Variants in EPS15 observed in about 807,000 individuals in gnomAD.
The protein encoded by EPS15 is epidermal growth factor receptor substrate 15.
Under a neutral mutation model 113.8 loss-of-function variants are expected in EPS15, and 72 were observed. The ratio of observed to expected loss-of-function variants is 0.63; its 90% confidence interval spans 0.52 to 0.77. EPS15 has a LOEUF of 0.77. Among genes scored for constraint, EPS15 ranks in the 30% least tolerant of loss-of-function variants. The pLI is 0.00. For missense variants in EPS15, 1,048 were observed against 1,045.8 expected, an observed-to-expected ratio of 1.00 and a Z score of -0.03; for synonymous variants, 344 against 363.4, an observed-to-expected ratio of 0.95 and a Z score of 0.61.
intron 7 of EPS15, 42 bp from the exon 8 acceptor site, chr1:51,461,192 G>C (rs757691264): frequency 7.3e-7 from 1 of 1,376,062 alleles, no homozygotes; most frequent in Non-Finnish European, 1.0e-6. Context: ...TGTTCTTTCA[G>C]TTCATGTTCT....
In EPS15 at chr1:51,448,057, T is replaced by C; in HGVS notation, c.640A>G (p.Lys214Glu). ...CCTGATATACTGACCGTTTTTCTCT[T>C]AGATGGTGGCACCAAGGCTGGAGGC... is the stretch of plus-strand genomic sequence containing the variant. ...SLPPALVPPSKRKTWVVSPAE... is the reference protein window; with the variant it reads ...SLPPALVPPSERKTWVVSPAE... The change falls in exon 9 of 25, where the codon AAG becomes GAG. Residue 214 changes from lysine (K) to glutamate (E), a missense_variant. Coordinates refer to ENST00000371733, the MANE Select transcript of EPS15 (RefSeq NM_001981.3). 6.2e-7 allele frequency: 1 copy of C among 1,613,748 alleles called. No homozygotes were observed. The highest frequency in any genetic ancestry group is 8.5e-7 in the Non-Finnish European group (1 of 1,179,700).
chr1:51,363,924 T>C lies in EPS15; in HGVS notation c.2301A>G (p.Glu767=). ...CGATCTTTGGTGGCAGTGCTGGGGG[T>C]TCATCTTCACTTTTGACCGATGTTT... ...FEETSVKSED[E]PPALPPKIGT... is the part of the protein sequence containing the mutation. The change falls in exon 23 of 25, where the codon GAA becomes GAG. Residue 767 remains glutamate, a synonymous_variant. Coordinates refer to ENST00000371733, the MANE Select transcript of EPS15 (RefSeq NM_001981.3). The C allele has an allele frequency of 1.9e-6, 3 of 1,613,878 alleles. No individual in the cohort carries two copies. The highest frequency in any genetic ancestry group is 2.5e-6 in the Non-Finnish European group (3 of 1,179,908).
At chr1:51,367,264 TTA>T (rs1646527937) in intron 21 of EPS15, among the ~76,000 whole-genome samples, 1 of 152,064 alleles carries the variant, frequency 6.6e-6, no homozygotes, top group African/African-American at 2.4e-5. Context: ...AAAAGTATAT[TTA>T]ACAGGCCAGG....
rs547097690 is a variant in EPS15, at chr1:51,519,087, CA to C, written c.33+111del. The C allele has an allele frequency of 2.8e-3, 1,944 of 704,090 alleles. 30 individuals are homozygous for C. The African/African-American group carries it at 0.034, about 12-fold the overall frequency. 43.6% of individuals were successfully genotyped at this position (704,090 alleles called of 1,614,324 possible). A position where few individuals can be genotyped will look rare whatever the true frequency, so the allele number is the denominator to read the frequency against. On this transcript the variant is annotated intron_variant, in intron 1 of 24. Transcript: ENST00000371733. ...TCACACACACCGGCCGCCCGGCCCA[CA>C]AGCCAAGAAGCTGCCTGCTTGGCCC...
intron 1 of EPS15, among the ~76,000 whole-genome samples, chr1:51,516,873 T>A (rs543547338): frequency 6.6e-6 from 1 of 152,300 alleles, no homozygotes; most frequent in African/African-American, 2.4e-5. Flanking sequence ...TCCAGATAGG[T>A]ACCATGGGAG....
At chr1:51,408,537 G>C (rs1649361625) in intron 14 of EPS15, among the ~76,000 whole-genome samples, 1 of 152,152 alleles carries the variant, frequency 6.6e-6, no homozygotes, top group Non-Finnish European at 1.5e-5. Context: ...CTGGGCTCAA[G>C]TGATCCTCCT....
At chr1:51,377,932 G>A (rs557197711) in intron 21 of EPS15, among the ~76,000 whole-genome samples, 1 of 124,202 alleles carries the variant, frequency 8.1e-6, no homozygotes, top group Non-Finnish European at 1.7e-5. Flanking sequence ...TTTCACTCTT[G>A]TTGCCCAGGC....
At chr1:51,428,186 G>A (rs1389967037) in intron 12 of EPS15, among the ~76,000 whole-genome samples, 1 of 151,962 alleles carries the variant, frequency 6.6e-6, no homozygotes, top group East Asian at 1.9e-4. Flanking sequence ...AATATTCTCA[G>A]ACAAACAAAG....
At chr1:51,494,230 A>G (rs569385464) in intron 1 of EPS15, among the ~76,000 whole-genome samples, 50 of 152,252 alleles carry the variant, frequency 3.3e-4, no homozygotes, top group African/African-American at 1.1e-3. Context: ...ATCTTCAACC[A>G]AAAGTGCTCC....
At chr1:51,489,636 T>C (rs764569050) in intron 1 of EPS15, among the ~76,000 whole-genome samples, 6 of 152,134 alleles carry the variant, frequency 3.9e-5, no homozygotes, top group Admixed American at 6.5e-5. Context: ...ACAGAGTATA[T>C]AGCCTCTCTC....
intron 12 of EPS15, 85 bp from the exon 13 acceptor site, chr1:51,421,943 CT>C: frequency 1.3e-6 from 2 of 1,571,842 alleles, no homozygotes; most frequent in Non-Finnish European, 8.7e-7. Flanking sequence ...TCCTGAATCG[CT>C]TTTTAAATAC....
At chr1:51,478,888 A>C (rs551690692) in intron 2 of EPS15, among the ~76,000 whole-genome samples, 8 of 151,966 alleles carry the variant, frequency 5.3e-5, no homozygotes, top group South Asian at 2.1e-4. Flanking sequence ...TGCTCTTAAC[A>C]TTTTTTCCTT....
intron 2 of EPS15, among the ~76,000 whole-genome samples, chr1:51,476,963 C>T (rs900738255): frequency 6.6e-6 from 1 of 152,128 alleles, no homozygotes; most frequent in African/African-American, 2.4e-5. Context: ...ATGATGCTGG[C>T]CTCATAAAAT....
At chr1:51,427,179 C>T (rs1218497798) in intron 12 of EPS15, among the ~76,000 whole-genome samples, 1 of 152,100 alleles carries the variant, frequency 6.6e-6, no homozygotes. Context: ...AAGTTAAACA[C>T]CAACAAACTC....
At chr1:51,458,641 GT>G (rs1654199872) in intron 8 of EPS15, 1 of 410,456 alleles carries the variant, frequency 2.4e-6, no homozygotes, top group Admixed American at 2.6e-5. Context: ...GGAGGCTGAG[GT>G]GGAAGAATAA....
chr1:51,437,492 ATTTT>A (rs765352350), intron 12 of EPS15, among the ~76,000 whole-genome samples: 1 of 136,858 alleles, frequency 7.3e-6, no homozygotes, highest in South Asian at 2.3e-4. Context: ...AAAAAAAAAA[ATTTT>A]TTTTTTTTTT....
intron 1 of EPS15, among the ~76,000 whole-genome samples, chr1:51,487,514 A>G (rs1335452597): frequency 6.6e-6 from 1 of 152,224 alleles, no homozygotes; most frequent in East Asian, 1.9e-4. Context: ...ACCAGTTTGA[A>G]TGAAAAATTA....
chr1:51,464,311 C>T (rs1055091647), intron 6 of EPS15, among the ~76,000 whole-genome samples: 1 of 150,962 alleles, frequency 6.6e-6, no homozygotes, highest in Non-Finnish European at 1.5e-5. Context: ...ACAATCTCAG[C>T]TCACTGTAGC....
At chr1:51,503,215 AATCT>A (rs1644442791) in intron 1 of EPS15, among the ~76,000 whole-genome samples, 1 of 152,336 alleles carries the variant, frequency 6.6e-6, no homozygotes. Flanking sequence ...TCCCCAAACT[AATCT>A]ATAGATTCAA....
Sources: allele counts gnomAD v4.1 joint callset (sites outside exome capture counted in the v4.1 genomes callset), GRCh38; gene constraint gnomAD v4.1.1; transcripts MANE v1.5; gene names NCBI Gene and HGNC (gene_info 2026-07-23, HGNC 2026-07-21).